GRIK1: variants seen among roughly 807,000 people sequenced by gnomAD.
The protein encoded by GRIK1 is glutamate receptor ionotropic, kainate 1.
Under a neutral mutation model 105.7 loss-of-function variants are expected in GRIK1, and 69 were observed. That is an observed-to-expected ratio of 0.65 (90% confidence interval 0.54 to 0.80). The LOEUF (loss-of-function observed/expected upper bound fraction) is 0.80. Among genes scored for constraint, GRIK1 ranks in the 30% least tolerant of loss-of-function variants. The probability of loss-of-function intolerance (pLI) is 0.00; values close to 1 mark genes in which losing one functional copy is unlikely to be tolerated. For synonymous variants in GRIK1, 438 were observed against 431.3 expected, an observed-to-expected ratio of 1.02 and a Z score of -0.19; for missense variants, 1,109 against 1,167.3, an observed-to-expected ratio of 0.95 and a Z score of 0.73.
intron 1 of GRIK1, among the ~76,000 whole-genome samples, chr21:29,700,334 T>C (rs2063787891): frequency 1.3e-5 from 2 of 152,210 alleles, no homozygotes; most frequent in African/African-American, 4.8e-5. Context: ...CATAATTCCA[T>C]CTAGACTTAC....
At chr21:29,653,034 CTAAG>C (rs1332103354) in intron 5 of GRIK1, among the ~76,000 whole-genome samples, 5 of 152,080 alleles carry the variant, frequency 3.3e-5, no homozygotes, top group African/African-American at 1.2e-4. Flanking sequence ...TTCCTTAACA[CTAAG>C]TAACTATTTT....
Position 29,561,659 on chromosome 21 carries a change from A to G in GRIK1, c.2321T>C (p.Ile774Thr). ...TCCCACTCCGTAACCTTTGGAGTCAATGAGGCCCCCGATCTGAGTGAGGTT... is the reference window on the plus strand; with the variant it reads ...TCCCACTCCGTAACCTTTGGAGTCAGTGAGGCCCCCGATCTGAGTGAGGTT... ...NCNLTQIGGL[I>T]DSKGYGVGTP... Residue 774 changes from isoleucine to threonine, a missense_variant, in exon 15 of 18, where the codon ATT (isoleucine) becomes ACT (threonine). Coordinates refer to ENST00000327783, the MANE Select transcript of GRIK1 (RefSeq NM_001330994.2). 1.2e-6 allele frequency: 2 copies of G among 1,613,824 alleles called. No individual in the cohort carries two copies. Among genetic ancestry groups the G allele is most frequent in the South Asian group, 1.1e-5 (1 of 91,064 alleles).
intron 3 of GRIK1, among the ~76,000 whole-genome samples, chr21:29,688,410 A>ACT (rs1461770266): frequency 5.9e-5 from 9 of 152,294 alleles, no homozygotes; most frequent in Admixed American, 3.9e-4. Context: ...GAAAAGCGAA[A>ACT]CCGTATTGCA....
Position 29,939,609 on chromosome 21 carries a change from C to T in GRIK1, c.-109G>A. On this transcript the variant is annotated 5_prime_UTR_variant, in exon 1 of 18. Coordinates refer to ENST00000327783, the MANE Select transcript of GRIK1 (RefSeq NM_001330994.2). ...TCATCCTCTCTGGATGCTCCGGTTC[C>T]AAGCACGCTGCGCGCTCCCCACGGA... is the stretch of plus-strand genomic sequence containing the variant. 1.5e-6 allele frequency: 1 copy of T among 655,582 alleles called. No individual in the cohort carries two copies. The allele number at this position is 655,582 out of a possible 1,614,324, so 40.6% of individuals were successfully genotyped here. A position where few individuals can be genotyped will look rare whatever the true frequency, so the allele number is the denominator to read the frequency against.
At chr21:29,625,587 T>C (rs985741470) in intron 7 of GRIK1, among the ~76,000 whole-genome samples, 3 of 152,152 alleles carry the variant, frequency 2.0e-5, no homozygotes, top group Non-Finnish European at 2.9e-5. Flanking sequence ...GTAACTTAAG[T>C]ACTGAGGTGG....
chr21:29,578,836 A>G (rs573642351), intron 13 of GRIK1, among the ~76,000 whole-genome samples: 221 of 152,250 alleles, frequency 1.5e-3, no homozygotes, highest in Non-Finnish European at 1.8e-3. Context: ...GTGGCAATGT[A>G]ATATTATTTT....
intron 7 of GRIK1, among the ~76,000 whole-genome samples, chr21:29,636,179 G>C (rs1359445982): frequency 1.3e-5 from 2 of 152,204 alleles, no homozygotes; most frequent in Non-Finnish European, 2.9e-5. Context: ...CATGTCACTA[G>C]TCTTCCAGAA....
At chr21:29,741,330 GT>G (rs373407134) in intron 1 of GRIK1, among the ~76,000 whole-genome samples, 21 of 151,992 alleles carry the variant, frequency 1.4e-4, no homozygotes, top group Non-Finnish European at 2.6e-4. Context: ...GTTAATTTAT[GT>G]TTTTTTTAAA....
chr21:29,886,799 G>A (rs1044453620), intron 1 of GRIK1, among the ~76,000 whole-genome samples: 1 of 152,122 alleles, frequency 6.6e-6, no homozygotes, highest in Admixed American at 6.6e-5. Flanking sequence ...CATAAATCCT[G>A]GTAGGTGCTC....
At chr21:29,626,747 A>G (rs1462735226) in intron 7 of GRIK1, among the ~76,000 whole-genome samples, 4 of 152,206 alleles carry the variant, frequency 2.6e-5, no homozygotes, top group East Asian at 1.9e-4. Flanking sequence ...TGATGAGCAC[A>G]CTATTTCTAG....
intron 15 of GRIK1, 82 bp from the exon 16 acceptor site, chr21:29,555,384 A>G: frequency 7.6e-7 from 1 of 1,315,000 alleles, no homozygotes; most frequent in Non-Finnish European, 1.1e-6. Context: ...CATCTTTGTC[A>G]TAACTATGTT....
At chr21:29,816,828 C>T (rs1357548767) in intron 1 of GRIK1, among the ~76,000 whole-genome samples, 1 of 151,970 alleles carries the variant, frequency 6.6e-6, no homozygotes, top group African/African-American at 2.4e-5. Context: ...TTAATGGGTA[C>T]AAACATACAG....
At chr21:29,874,286 G>A (rs2069118498) in intron 1 of GRIK1, among the ~76,000 whole-genome samples, 1 of 152,174 alleles carries the variant, frequency 6.6e-6, no homozygotes, top group Non-Finnish European at 1.5e-5. Flanking sequence ...AGCAATATCA[G>A]CAATGATGAA....
At chr21:29,655,422 T>A (rs2062830609) in intron 4 of GRIK1, among the ~76,000 whole-genome samples, 1 of 150,786 alleles carries the variant, frequency 6.6e-6, no homozygotes. Context: ...AAAAAAAAAA[T>A]AGTTTGTACT....
chr21:29,583,467 C>T (rs1167719218), intron 12 of GRIK1, among the ~76,000 whole-genome samples: 1 of 151,990 alleles, frequency 6.6e-6, no homozygotes, highest in Non-Finnish European at 1.5e-5. Context: ...TTCAAACAGA[C>T]CGTAAGACTT....
chr21:29,798,286 C>T (rs2066610914), intron 1 of GRIK1, among the ~76,000 whole-genome samples: 1 of 152,174 alleles, frequency 6.6e-6, no homozygotes, highest in South Asian at 2.1e-4. Context: ...TTACCAGATT[C>T]TCAATTTAGG....
chr21:29,687,777 T>C (rs2063512010), intron 3 of GRIK1, among the ~76,000 whole-genome samples: 1 of 152,256 alleles, frequency 6.6e-6, no homozygotes, highest in Non-Finnish European at 1.5e-5. Flanking sequence ...ATTTACTTAC[T>C]AATTATATTT....
chr21:29,587,440 G>T lies in GRIK1; in HGVS notation c.1719C>A (p.Pro573=). 3 of 1,613,910 alleles carry T rather than the reference G, an allele frequency of 1.9e-6. No homozygotes were observed. The highest frequency in any genetic ancestry group is 2.2e-5 in the East Asian group (1 of 44,868). ...TNPGVFSFLN[P]LSPDIWMYVL... is the part of the protein sequence containing the mutation. ...CATACATCCAAATATCTGGAGACAG[G>T]GGGTTGAGGAAGGAGAAAACGCCTG... is the stretch of plus-strand genomic sequence containing the variant. Residue 573 remains proline, a synonymous_variant, in exon 12 of 18, where the codon CCC becomes CCA. Transcript: ENST00000327783.
chr21:29,755,515 G>C (rs939611465), intron 1 of GRIK1, among the ~76,000 whole-genome samples: 1 of 152,220 alleles, frequency 6.6e-6, no homozygotes, highest in Non-Finnish European at 1.5e-5. Context: ...TGAGGCATGA[G>C]GTTTAAATTG....
Sources: allele counts gnomAD v4.1 joint callset (sites outside exome capture counted in the v4.1 genomes callset), GRCh38; gene constraint gnomAD v4.1.1; transcripts MANE v1.5; gene names NCBI Gene and HGNC (gene_info 2026-07-23, HGNC 2026-07-21).